The following DQX1 variants were observed in gnomAD, a reference collection of about 807,000 sequenced individuals.
DQX1 encodes ATP-dependent RNA helicase homolog DQX1.
DQX1 carries 66 observed loss-of-function variants against 81.3 expected under a neutral mutation model. That is an observed-to-expected ratio of 0.81 (90% CI 0.67 to 1.00). DQX1 has a LOEUF of 1.00. Among genes scored for constraint, DQX1 ranks in the 50% least tolerant of loss-of-function variants. The pLI is 0.00. For missense variants in DQX1, 798 were observed against 867.9 expected, an observed-to-expected ratio of 0.92 and a Z score of 1.01; for synonymous variants, 290 against 350.0, an observed-to-expected ratio of 0.83 and a Z score of 1.91.
rs1558602175 is a variant in DQX1 at position 74,522,896 on chromosome 2, C to T, written c.1263G>A (p.Gln421=). 1.9e-6 allele frequency: 3 copies of T among 1,614,178 alleles called. No individual in the cohort carries two copies. Among genetic ancestry groups the T allele is most frequent in the Admixed American group, 3.3e-5 (2 of 60,026 alleles). ...SSLVLLLKRR[Q]IAEPGECHFL... is the part of the protein sequence containing the mutation. ...AGTGACACTCCCCTGGCTCTGCAATCTGTCTCCTTTTTAGTAGTAACACCA... is the reference window on the plus strand; with the variant it reads ...AGTGACACTCCCCTGGCTCTGCAATTTGTCTCCTTTTTAGTAGTAACACCA... Residue 421 remains glutamine (Q), a synonymous_variant, in exon 7 of 12, where the codon CAG becomes CAA. Coordinates refer to ENST00000404568, the MANE Select transcript of DQX1 (RefSeq NM_133637.3).
chr2:74,523,256 G>A, intron 5 of DQX1, 38 bp from the exon 6 acceptor site: 1 of 1,614,068 alleles, frequency 6.2e-7, no homozygotes, highest in East Asian at 2.2e-5. Context: ...AGACAGATCA[G>A]AGTGGGCCAT....
At chr2:74,521,848 G>A (rs1675038120) in intron 8 of DQX1, among the ~76,000 whole-genome samples, 1 of 149,584 alleles carries the variant, frequency 6.7e-6, no homozygotes. Flanking sequence ...TCTCAGATTC[G>A]AAGAATGGTA....
At position 74,519,717 on chromosome 2, in the gene DQX1, G is replaced by C; in HGVS notation, c.1645C>G (p.Arg549Gly). 1.2e-6 allele frequency: 2 copies of C among 1,614,148 alleles called. No individual in the cohort carries two copies. The highest frequency in any genetic ancestry group is 1.7e-6 in the Non-Finnish European group (2 of 1,180,014). The change falls in exon 10 of 12, where the codon CGA becomes GGA. Residue 549 changes from arginine (R) to glycine (G), a missense_variant. By Grantham distance (125) the Arg-to-Gly change is moderately radical. Transcript: ENST00000404568. ...SGADEAWCQA[R>G]GLNWAALCQA... ...CACAATGCTGCCCAATTCAGACCTC[G>C]AGCCTGGCACCAAGCCTCATCTGCT... is the stretch of plus-strand genomic sequence containing the variant.
chr2:74,523,311 C>T lies in DQX1; in HGVS notation c.1043G>A (p.Ser348Asn), dbSNP rs1481314846. 1.9e-6 allele frequency: 3 copies of T among 1,614,192 alleles called. No homozygotes were observed. The highest frequency in any genetic ancestry group is 2.5e-6 in the Non-Finnish European group (3 of 1,180,032). Residue 348 changes from serine (S) to asparagine (N), a missense_variant and splice_region_variant, in exon 5 of 12, where the codon AGT becomes AAT. Physicochemically the swap from Ser to Asn is conservative, Grantham distance 46 (BLOSUM62 1). Transcript: ENST00000404568. Reference sequence around the variant, plus strand: ...CCGCTATCTCTCTCTCTCACTCACACTTCGGAGCTCCAGTCCTGAGTCGAT... The same window carrying T: ...CCGCTATCTCTCTCTCTCACTCACATTTCGGAGCTCCAGTCCTGAGTCGAT... ...HVIDSGLELR[S>N]VYNPRIRAEF...
chr2:74,519,151 C>T lies in DQX1; in HGVS notation c.1886G>A (p.Cys629Tyr). Residue 629 changes from cysteine (C) to tyrosine (Y), a missense_variant, in exon 11 of 12, where the codon TGC (cysteine) becomes TAC (tyrosine). Coordinates refer to ENST00000404568, the MANE Select transcript of DQX1 (RefSeq NM_133637.3). ...GGCAGGAGCTCTGCGGCTTCGGTAG[C>T]AGCAGTATGAGGAGAGCTGGGCCAC... ...KHVAQLSSYC[C>Y]YRSRRAPARP... 2 of 1,613,496 alleles carry T rather than the reference C, an allele frequency of 1.2e-6. No individual in the cohort carries two copies. Among genetic ancestry groups the T allele is most frequent in the Non-Finnish European group, 1.7e-6 (2 of 1,179,678 alleles).
In DQX1 at chr2:74,525,255, C is replaced by T. The variant is rs1158915934; in HGVS notation, c.238-53G>A. The T allele has an allele frequency of 1.4e-6, 2 of 1,460,336 alleles. No individual in the cohort carries two copies. Among genetic ancestry groups the T allele is most frequent in the Non-Finnish European group, 1.8e-6 (2 of 1,096,466 alleles). 90.5% of individuals were successfully genotyped at this position (1,460,336 alleles called of 1,614,324 possible). ...AGTGAGGAAGATGTAGGACTTCAGT[C>T]AGAAGTGCTCAGGGAACTATGGCCA... is the stretch of plus-strand genomic sequence containing the variant. On this transcript the variant is annotated intron_variant, in intron 2 of 11. Coordinates refer to ENST00000404568, the MANE Select transcript of DQX1 (RefSeq NM_133637.3). This position sits in a 1 kb window ranked among gnomAD's most constrained non-coding sequence, Gnocchi z 4.1.
Position 74,519,979 on chromosome 2 carries a change from C to A in DQX1, c.1551G>T (p.Arg517=), listed in dbSNP as rs1674984912. ...GGTCACCATCCGTGTGTTCCAGGGCCCGACGCAGGGCAGCTTCTTCTGCAC... is the reference window on the plus strand; with the variant it reads ...GGTCACCATCCGTGTGTTCCAGGGCACGACGCAGGGCAGCTTCTTCTGCAC... The part of the protein sequence containing the change: ...PLSAEEAALR[R]ALEHTDGDHS... The change falls in exon 9 of 12, where the codon CGG becomes CGT. Residue 517 remains arginine, a synonymous_variant. Transcript: ENST00000404568. The A allele has an allele frequency of 6.2e-7, 1 of 1,614,034 alleles. No individual in the cohort carries two copies. The highest frequency in any genetic ancestry group is 1.7e-5 in the Admixed American group (1 of 60,004).
intron 6 of DQX1, 24 bp from the exon 7 acceptor site, chr2:74,523,038 A>G (rs1234953423): frequency 1.9e-6 from 3 of 1,613,808 alleles, no homozygotes; most frequent in Non-Finnish European, 2.5e-6. Flanking sequence ...GACCTGGGAA[A>G]GAAGACCACT....
At position 74,525,796 on chromosome 2, in the gene DQX1, C is replaced by T; in HGVS notation, c.-19-48G>A. 1.5e-6 allele frequency: 2 copies of T among 1,326,508 alleles called. No homozygotes were observed. The highest frequency in any genetic ancestry group is 1.4e-5 in the South Asian group (1 of 73,658). The allele number at this position is 1,326,508 out of a possible 1,614,324, so 82.2% of individuals were successfully genotyped here. A position where few individuals can be genotyped will look rare whatever the true frequency, so the allele number is the denominator to read the frequency against. ...TAAGGTCATATTTGGTGACCGACAC[C>T]ATCTTCCCACCTCAGCCCTGATCCT... On this transcript the variant is annotated intron_variant, in intron 1 of 11. Transcript: ENST00000404568. The surrounding 1 kb of genome is among the most constrained non-coding windows in gnomAD (Gnocchi z 4.1).
chr2:74,523,888 G>A, intron 4 of DQX1, 35 bp downstream of exon 4: 3 of 1,499,128 alleles, frequency 2.0e-6, no homozygotes, highest in Non-Finnish European at 2.7e-6. Flanking sequence ...GGCTCATTTT[G>A]CAGGCTGTTT....
chr2:74,522,542 G>C, intron 8 of DQX1, 38 bp downstream of exon 8: 1 of 1,586,640 alleles, frequency 6.3e-7, no homozygotes, highest in Non-Finnish European at 8.6e-7. Flanking sequence ...GGGCTGAAGT[G>C]GTTTCAAGAG....
intron 8 of DQX1, 47 bp from the exon 9 acceptor site, chr2:74,520,081 G>A (rs762865408): frequency 1.9e-6 from 3 of 1,600,096 alleles, no homozygotes; most frequent in Non-Finnish European, 2.6e-6. Context: ...TGGGAAATGG[G>A]AAGGGATAGT....
chr2:74,519,097 T>C lies in DQX1; in HGVS notation c.1940A>G (p.Asn647Ser). 2.5e-6 allele frequency: 4 copies of C among 1,603,854 alleles called. No homozygotes were observed. Among genetic ancestry groups the C allele is most frequent in the Non-Finnish European group, 1.7e-6 (2 of 1,176,980 alleles). ...ARPPPWVLYHNFTISKDNCLS... is the reference protein window; with the variant it reads ...ARPPPWVLYHSFTISKDNCLS... ...GCAGTTGTCTTTGGATATGGTGAAA[T>C]TGTGGTAGAGCACCCATGGTGGGGG... The change falls in exon 11 of 12, where the codon AAT becomes AGT. Residue 647 changes from asparagine (N) to serine (S), a missense_variant. Coordinates refer to ENST00000404568, the MANE Select transcript of DQX1 (RefSeq NM_133637.3).
At chr2:74,519,330 G>T in intron 10 of DQX1, 100 bp from the exon 11 acceptor site, 1 of 1,373,920 alleles carries the variant, frequency 7.3e-7, no homozygotes, top group African/African-American at 1.5e-5. Flanking sequence ...GGTGATGAGA[G>T]CATGAAAAGT....
intron 8 of DQX1, 78 bp from the exon 9 acceptor site, chr2:74,520,112 A>G: frequency 6.5e-7 from 1 of 1,547,590 alleles, no homozygotes; most frequent in Non-Finnish European, 8.8e-7. Context: ...GAATGCTGAA[A>G]AGGCAGAAGT....
rs1375992533 is a variant in DQX1 at position 74,519,940 on chromosome 2, G to A, written c.1590C>T (p.Ile530=). 3 of 1,614,178 alleles carry A rather than the reference G, an allele frequency of 1.9e-6. No individual in the cohort carries two copies. Among genetic ancestry groups the A allele is most frequent in the Non-Finnish European group, 2.5e-6 (3 of 1,180,022 alleles). The change falls in exon 9 of 12, where the codon ATC becomes ATT. Residue 530 remains isoleucine (I), a synonymous_variant. Coordinates refer to ENST00000404568, the MANE Select transcript of DQX1 (RefSeq NM_133637.3). ...TTTGTATAAAGGCTTCATACACCTG[G>A]ATCAGAGAACTGTGGTCACCATCCG... The part of the protein sequence containing the change: ...EHTDGDHSSL[I]QVYEAFIQSG...
In DQX1 at chr2:74,519,029, A is replaced by G. The variant is rs781428474; in HGVS notation, c.1997+11T>C. On this transcript the variant is annotated intron_variant, in intron 11 of 11. Coordinates refer to ENST00000404568, the MANE Select transcript of DQX1 (RefSeq NM_133637.3). ...GAATAGGCAGTATAGGAGGGATGTC[A>G]GGGAACTCACATCTGTGGTTGAATC... The G allele has an allele frequency of 1.3e-5, 20 of 1,561,436 alleles. No homozygotes were observed. Among genetic ancestry groups the G allele is most frequent in the Non-Finnish European group, 4.3e-6 (5 of 1,152,814 alleles).
At position 74,522,786 on chromosome 2, in the gene DQX1, G is replaced by A. The variant is rs1467900282; in HGVS notation, c.1304-15C>T. ...TGCTTCTGGAGCTGGTGAGGAAACAGGGCTTACAGGATATGAAGTTTCAGA... is the reference window on the plus strand; with the variant it reads ...TGCTTCTGGAGCTGGTGAGGAAACAAGGCTTACAGGATATGAAGTTTCAGA... On this transcript the variant is annotated splice_polypyrimidine_tract_variant and intron_variant, in intron 7 of 11. Coordinates refer to ENST00000404568, the MANE Select transcript of DQX1 (RefSeq NM_133637.3). The A allele has an allele frequency of 1.2e-6, 2 of 1,613,876 alleles. No individual in the cohort carries two copies. Among genetic ancestry groups the A allele is most frequent in the Non-Finnish European group, 8.5e-7 (1 of 1,179,814 alleles).
At chr2:74,522,448 C>G in intron 8 of DQX1, 132 bp downstream of exon 8, 1 of 1,108,368 alleles carries the variant, frequency 9.0e-7, no homozygotes, top group South Asian at 1.6e-5. Flanking sequence ...GGTGACTAAG[C>G]CTGGTTCTTT....
Sources: gnomAD v4.1 joint callset for allele counts (sites outside exome capture counted in the v4.1 genomes callset) on GRCh38, gnomAD v4.1.1 for gene constraint, Gnocchi (gnomAD v3.1) non-coding constraint, MANE v1.5 for transcripts, NCBI Gene and HGNC (gene_info 2026-07-23, HGNC 2026-07-21) for gene names.